Variants in GRID2 observed in about 807,000 individuals in gnomAD.
GRID2 encodes glutamate receptor ionotropic, delta-2.
In GRID2, 33 loss-of-function variants were observed where a neutral mutation model predicts 114.8. The ratio of observed to expected loss-of-function variants is 0.29; its 90% CI spans 0.22 to 0.38. GRID2 has a LOEUF of 0.38. GRID2 is among the 10% of genes least tolerant of loss of function. GRID2 has a pLI of 1.00. For missense variants in GRID2, 1,184 were observed against 1,257.7 expected, an observed-to-expected ratio of 0.94 and a Z score of 0.89; for synonymous variants, 505 against 449.9, an observed-to-expected ratio of 1.12 and a Z score of -1.55.
chr4:93,418,460 A>T (rs1257436742), intron 9 of GRID2, among the ~76,000 whole-genome samples: 1 of 152,062 alleles, frequency 6.6e-6, no homozygotes, highest in African/African-American at 2.4e-5. Flanking sequence ...ACTCCTTTGT[A>T]GTTTCCAGTT....
chr4:93,199,796 G>C (rs1235226867), intron 4 of GRID2, among the ~76,000 whole-genome samples: 1 of 152,082 alleles, frequency 6.6e-6, no homozygotes, highest in Non-Finnish European at 1.5e-5. Context: ...ATATTCTTGG[G>C]ATTTAAAAAT....
chr4:93,024,152 T>C (rs1723659904), intron 2 of GRID2, among the ~76,000 whole-genome samples: 1 of 151,814 alleles, frequency 6.6e-6, no homozygotes, highest in Admixed American at 6.6e-5. Flanking sequence ...TTTTTGTAAA[T>C]GTCATAATTT....
chr4:93,591,574 A>G (rs1363038400), intron 13 of GRID2, among the ~76,000 whole-genome samples: 2 of 152,164 alleles, frequency 1.3e-5, no homozygotes, highest in East Asian at 1.9e-4. Flanking sequence ...GCCTCATAAA[A>G]TGAGTTAGGG....
chr4:93,243,025 T>C (rs1337704420), intron 8 of GRID2, among the ~76,000 whole-genome samples: 1 of 152,074 alleles, frequency 6.6e-6, no homozygotes, highest in African/African-American at 2.4e-5. Flanking sequence ...TGAAATGTTC[T>C]GTGAGCTGGC....
At chr4:92,605,744 T>C (rs1729423264) in intron 2 of GRID2, among the ~76,000 whole-genome samples, 1 of 152,102 alleles carries the variant, frequency 6.6e-6, no homozygotes, top group African/African-American at 2.4e-5. Context: ...CTCAAATTTT[T>C]ATTCTGTTGC....
intron 2 of GRID2, among the ~76,000 whole-genome samples, chr4:92,837,487 A>G (rs1323856167): frequency 6.6e-6 from 1 of 152,040 alleles, no homozygotes; most frequent in Non-Finnish European, 1.5e-5. Context: ...TAAAAAAAAA[A>G]AAAAAGGCCA....
intron 12 of GRID2, among the ~76,000 whole-genome samples, chr4:93,502,888 T>G (rs1728263426): frequency 6.6e-6 from 1 of 151,984 alleles, no homozygotes; most frequent in South Asian, 2.1e-4. Flanking sequence ...GTGGGCTGCT[T>G]TTATTCAGAG....
intron 9 of GRID2, among the ~76,000 whole-genome samples, chr4:93,400,736 C>A (rs1464178683): frequency 6.6e-6 from 1 of 152,080 alleles, no homozygotes; most frequent in African/African-American, 2.4e-5. Context: ...TATTTACCTA[C>A]TTTGATTGGC....
chr4:92,711,481 A>G (rs986858499), intron 2 of GRID2, among the ~76,000 whole-genome samples: 1 of 152,234 alleles, frequency 6.6e-6, no homozygotes, highest in African/African-American at 2.4e-5. Context: ...GTCTGCTTCT[A>G]AAGGCCACTC....
chr4:93,779,451 C>T (rs910385192), downstream of GRID2, among the ~76,000 whole-genome samples: 3 of 152,010 alleles, frequency 2.0e-5, no homozygotes, highest in Non-Finnish European at 4.4e-5. Flanking sequence ...TCATGGTGGC[C>T]GGGGAGAGGG....
At chr4:92,493,678 G>A (rs1454047199) in intron 1 of GRID2, among the ~76,000 whole-genome samples, 2 of 152,056 alleles carry the variant, frequency 1.3e-5, no homozygotes, top group Admixed American at 1.3e-4. Context: ...GACTCCCGTT[G>A]GCCTTAGGAT....
At chr4:92,470,429 AAAT>A (rs1721978265) in intron 1 of GRID2, among the ~76,000 whole-genome samples, 3 of 152,034 alleles carry the variant, frequency 2.0e-5, no homozygotes, top group South Asian at 4.1e-4. Context: ...TTAACTTAGA[AAAT>A]AATACCAGTC....
chr4:93,091,188 A>T (rs1217545398), intron 3 of GRID2, among the ~76,000 whole-genome samples: 1 of 152,100 alleles, frequency 6.6e-6, no homozygotes, highest in East Asian at 1.9e-4. Context: ...ATTGTTTACC[A>T]ATCCTTGTTT....
At chr4:92,722,081 C>A (rs541022649) in intron 2 of GRID2, among the ~76,000 whole-genome samples, 6 of 152,172 alleles carry the variant, frequency 3.9e-5, no homozygotes, top group African/African-American at 1.4e-4. Flanking sequence ...ACTCAGCAAC[C>A]AAAATGGTTT....
intron 4 of GRID2, among the ~76,000 whole-genome samples, chr4:93,130,162 C>G (rs1027143885): frequency 2.6e-5 from 4 of 152,106 alleles, no homozygotes; most frequent in Non-Finnish European, 5.9e-5. Flanking sequence ...CTTAAAAGAT[C>G]GGTGTGGTGG....
intron 2 of GRID2, among the ~76,000 whole-genome samples, chr4:92,597,457 C>CT (rs1729010164): frequency 6.6e-6 from 1 of 152,132 alleles, no homozygotes; most frequent in African/African-American, 2.4e-5. Flanking sequence ...GCTTCGAGGA[C>CT]TTTTACCTCA....
Position 92,903,872 on chromosome 4 carries a change from G to T in GRID2, c.245-181123G>T, listed in dbSNP as rs150747957. ...CAATGTGCTCATAGTATAAATTGGAGGCAATAGGTAAGTAAACAATGGGAG... is the reference window on the plus strand; with the variant it reads ...CAATGTGCTCATAGTATAAATTGGATGCAATAGGTAAGTAAACAATGGGAG... On this transcript the variant is annotated intron_variant, in intron 2 of 15. Transcript: ENST00000282020. Among the ~76,000 whole-genome samples, 591 of 151,992 alleles carry T rather than the reference G, an allele frequency of 3.9e-3. 7 individuals carry two copies. Among genetic ancestry groups the T allele is most frequent in the African/African-American group, 0.014 (567 of 41,504 alleles).
At chr4:93,741,787 G>A (rs1475637464) in intron 14 of GRID2, among the ~76,000 whole-genome samples, 1 of 151,996 alleles carries the variant, frequency 6.6e-6, no homozygotes, top group Non-Finnish European at 1.5e-5. Flanking sequence ...AGCTGGGCAT[G>A]GTGGTGCACG....
chr4:93,004,670 C>G (rs1253126456), intron 2 of GRID2, among the ~76,000 whole-genome samples: 1 of 152,088 alleles, frequency 6.6e-6, no homozygotes, highest in East Asian at 1.9e-4. Flanking sequence ...ATCTTCCACT[C>G]CCCCTCAGAG....
Sources: gnomAD v4.1 joint callset for allele counts (sites outside exome capture counted in the v4.1 genomes callset) on GRCh38, gnomAD v4.1.1 for gene constraint, MANE v1.5 for transcripts, NCBI Gene and HGNC (gene_info 2026-07-23, HGNC 2026-07-21) for gene names.